FBXO42: variants seen among roughly 807,000 people sequenced by gnomAD.
FBXO42 encodes F-box protein 42.
In FBXO42, 12 loss-of-function variants were observed where a neutral mutation model predicts 71.7. The ratio of observed to expected loss-of-function variants is 0.17; its 90% CI spans 0.11 to 0.27. The LOEUF (loss-of-function observed/expected upper bound fraction) is 0.27, where lower values mean the gene tolerates loss of function less well. Ranked by LOEUF, FBXO42 falls within the 10% of genes least tolerant of loss-of-function variation. The probability of loss-of-function intolerance (pLI) is 1.00; values close to 1 mark genes in which losing one functional copy is unlikely to be tolerated. For missense variants in FBXO42, 707 were observed against 911.9 expected, an observed-to-expected ratio of 0.78 and a Z score of 2.89; for synonymous variants, 325 against 327.5, an observed-to-expected ratio of 0.99 and a Z score of 0.08.
At chr1:16,345,745 G>T (rs2082649703) in intron 1 of FBXO42, among the ~76,000 whole-genome samples, 1 of 151,906 alleles carries the variant, frequency 6.6e-6, no homozygotes. Context: ...CTACTCGGGA[G>T]GCTGAGGCAG....
intron 4 of FBXO42, among the ~76,000 whole-genome samples, chr1:16,265,744 T>G (rs1034426424): frequency 6.6e-5 from 10 of 151,582 alleles, no homozygotes; most frequent in Admixed American, 2.6e-4. Flanking sequence ...AGTTAATCCC[T>G]TGTCCTTGGA....
chr1:16,324,422 C>T (rs2082434022), intron 1 of FBXO42, among the ~76,000 whole-genome samples: 1 of 152,062 alleles, frequency 6.6e-6, no homozygotes, highest in South Asian at 2.1e-4. Flanking sequence ...AATAAATGAC[C>T]TATGAGACAA....
intron 1 of FBXO42, among the ~76,000 whole-genome samples, chr1:16,322,591 T>A (rs1028911764): frequency 5.3e-5 from 8 of 151,758 alleles, no homozygotes; most frequent in East Asian, 1.9e-4. Context: ...ACAAAAAAAA[T>A]TTTAAAAACT....
intron 4 of FBXO42, among the ~76,000 whole-genome samples, chr1:16,266,436 C>T (rs1477386929): frequency 1.3e-5 from 2 of 152,082 alleles, no homozygotes; most frequent in Non-Finnish European, 2.9e-5. Flanking sequence ...TTAAGTCTCC[C>T]CATCTTAACC....
At chr1:16,322,235 A>G (rs753990568) in intron 1 of FBXO42, among the ~76,000 whole-genome samples, 2 of 152,080 alleles carry the variant, frequency 1.3e-5, no homozygotes, top group African/African-American at 2.4e-5. Context: ...GTCTGCTGCC[A>G]GAGAGGAAAC....
intron 1 of FBXO42, among the ~76,000 whole-genome samples, chr1:16,318,353 C>T (rs1046082344): frequency 9.2e-5 from 14 of 152,074 alleles, no homozygotes; most frequent in East Asian, 3.9e-4. Context: ...AGGAGGCAGA[C>T]GTTGCAGTGA....
chr1:16,253,926 T>A (rs978325898), intron 6 of FBXO42, among the ~76,000 whole-genome samples, 195 bp from the exon 7 acceptor site: 2 of 152,188 alleles, frequency 1.3e-5, no homozygotes, highest in Non-Finnish European at 2.9e-5. Context: ...AAAGAGACCA[T>A]GTTGCTGAAT....
At chr1:16,326,014 T>TTGTGTGTGTGTGTGTG (rs34752325) in intron 1 of FBXO42, among the ~76,000 whole-genome samples, 7,009 of 137,336 alleles carry the variant, frequency 0.051, 317 homozygotes, top group Non-Finnish European at 0.076. Flanking sequence ...GTGCCCAAAT[T>TTGTGTGTGTGTGTGTG]TGTGTGTGTG....
intron 2 of FBXO42, among the ~76,000 whole-genome samples, chr1:16,309,226 C>A (rs1299067645): frequency 6.6e-6 from 1 of 151,438 alleles, no homozygotes; most frequent in African/African-American, 2.4e-5. Context: ...CGCCACCATA[C>A]CCAGCTAATT....
chr1:16,324,875 G>A (rs1158727035), intron 1 of FBXO42, among the ~76,000 whole-genome samples: 1 of 152,078 alleles, frequency 6.6e-6, no homozygotes, highest in African/African-American at 2.4e-5. Context: ...GAATAAAATT[G>A]GGGAAGGTGA....
At chr1:16,339,687 T>C (rs2082584747) in intron 1 of FBXO42, among the ~76,000 whole-genome samples, 1 of 152,136 alleles carries the variant, frequency 6.6e-6, no homozygotes, top group South Asian at 2.1e-4. Context: ...GCTGAACAGA[T>C]TATGAATTTA....
At chr1:16,279,310 T>G (rs940744101) in intron 4 of FBXO42, among the ~76,000 whole-genome samples, 4 of 152,168 alleles carry the variant, frequency 2.6e-5, no homozygotes, top group African/African-American at 9.7e-5. Context: ...TAACTCTGGA[T>G]AGCTTGAAAG....
chr1:16,271,299 G>GTA (rs2081843254), intron 4 of FBXO42, among the ~76,000 whole-genome samples: 1 of 142,298 alleles, frequency 7.0e-6, no homozygotes, highest in South Asian at 2.2e-4. Flanking sequence ...GTGTGTGTGT[G>GTA]TGTTGGCATC....
chr1:16,343,898 G>T (rs1212763105), intron 1 of FBXO42, among the ~76,000 whole-genome samples: 1 of 150,280 alleles, frequency 6.7e-6, no homozygotes, highest in Non-Finnish European at 1.5e-5. Flanking sequence ...AGGATCGCTT[G>T]AGCCAGGAGA....
At chr1:16,299,650 TTATTA>T (rs2082169381) in intron 3 of FBXO42, among the ~76,000 whole-genome samples, 1 of 152,014 alleles carries the variant, frequency 6.6e-6, no homozygotes, top group African/African-American at 2.4e-5. Flanking sequence ...ATTATTATTA[TTATTA>T]TTTTTTTGAG....
chr1:16,293,936 A>G (rs2082104958), intron 4 of FBXO42: 1 of 152,214 alleles, frequency 6.6e-6, no homozygotes, highest in Non-Finnish European at 1.5e-5. Context: ...GCCCTTTCTA[A>G]TATACAATGA....
chr1:16,263,695 C>T (rs2081739120), intron 4 of FBXO42, among the ~76,000 whole-genome samples: 1 of 151,242 alleles, frequency 6.6e-6, no homozygotes, highest in African/African-American at 2.4e-5. Context: ...TGCACTCCAG[C>T]CTGGGCAACA....
chr1:16,311,862 ATT>A (rs2082316398), intron 2 of FBXO42, among the ~76,000 whole-genome samples: 1 of 152,098 alleles, frequency 6.6e-6, no homozygotes, highest in Non-Finnish European at 1.5e-5. Context: ...GCATCTTGGT[ATT>A]TATTTACCCA....
chr1:16,332,452 G>A (rs1221077456), intron 1 of FBXO42, among the ~76,000 whole-genome samples: 1 of 152,014 alleles, frequency 6.6e-6, no homozygotes, highest in Non-Finnish European at 1.5e-5. Context: ...GATTTAGTAA[G>A]CAAATAAAGT....
Sources: gnomAD v4.1 joint callset for allele counts (sites outside exome capture counted in the v4.1 genomes callset) on GRCh38, gnomAD v4.1.1 for gene constraint, MANE v1.5 for transcripts, NCBI Gene and HGNC (gene_info 2026-07-23, HGNC 2026-07-21) for gene names.